ARL6IP6: variants seen among roughly 807,000 people sequenced by gnomAD.
ARL6IP6 encodes the protein ARF like GTPase 6 interacting protein 6, also known as ADP-ribosylation factor-like protein 6-interacting protein 6.
A neutral mutation model predicts 21.5 loss-of-function variants in ARL6IP6; 22 were observed. The ratio of observed to expected loss-of-function variants is 1.02; its 90% confidence interval spans 0.73 to 1.46. The LOEUF is 1.46. Ranked by LOEUF, ARL6IP6 falls within the 40% of genes most tolerant of loss-of-function variation. The pLI is 0.00. For synonymous variants in ARL6IP6, 164 were observed against 125.3 expected, an observed-to-expected ratio of 1.31 and a Z score of -2.06; for missense variants, 388 against 299.8, an observed-to-expected ratio of 1.29 and a Z score of -2.17.
intron 3 of ARL6IP6, among the ~76,000 whole-genome samples, chr2:152,746,050 C>A (rs1471581172): frequency 2.2e-5 from 2 of 92,946 alleles, no homozygotes; most frequent in African/African-American, 9.4e-5. Context: ...CAGGTTCTCA[C>A]TTTGTTGCCC....
At chr2:152,721,547 C>T (rs1287805025) in intron 2 of ARL6IP6, among the ~76,000 whole-genome samples, 2 of 152,322 alleles carry the variant, frequency 1.3e-5, no homozygotes, top group African/African-American at 4.8e-5. Context: ...CTCCTATTTG[C>T]TTTGATCACT....
At chr2:152,722,556 CT>C (rs770333600) in intron 2 of ARL6IP6, among the ~76,000 whole-genome samples, 18 of 152,268 alleles carry the variant, frequency 1.2e-4, no homozygotes, top group Non-Finnish European at 1.9e-4. Context: ...GAAGAGGATT[CT>C]TAAAAATCTG....
chr2:152,757,170 A>T (rs1701631067), intron 3 of ARL6IP6, among the ~76,000 whole-genome samples: 1 of 152,212 alleles, frequency 6.6e-6, no homozygotes, highest in Non-Finnish European at 1.5e-5. Context: ...TGTAGTTTCA[A>T]GAGCAAGTGA....
intron 1 of ARL6IP6, among the ~76,000 whole-genome samples, chr2:152,719,462 T>G (rs966979743): frequency 2.0e-5 from 3 of 152,168 alleles, no homozygotes; most frequent in African/African-American, 7.2e-5. Flanking sequence ...GGGACAAAGA[T>G]TTTCATCGCA....
rs67760283 is a variant in ARL6IP6 at position 152,746,001 on chromosome 2, CTTTT to C, written c.587+10905_587+10908del. 1.3e-3 allele frequency among the ~76,000 whole-genome samples: 84 copies of C among 66,362 alleles called. 1 individual carries two copies. The highest frequency in any genetic ancestry group is 2.8e-3 in the African/African-American group (28 of 9,860). The allele number at this position is 66,362 out of a possible 152,430, so 43.5% of individuals were successfully genotyped here. On this transcript the variant is annotated intron_variant, in intron 3 of 3. Transcript: ENST00000326446. ...CAGCTAATGAGTGCTTGCTTTGTAC[CTTTT>C]TTTTTTTTTTTTTTTTTTTTTTTTT...
At chr2:152,738,498 C>A (rs1700651390) in intron 3 of ARL6IP6, among the ~76,000 whole-genome samples, 1 of 152,226 alleles carries the variant, frequency 6.6e-6, no homozygotes, top group Non-Finnish European at 1.5e-5. Flanking sequence ...TAGGCGTTTC[C>A]ATACATCCTC....
intron 3 of ARL6IP6, among the ~76,000 whole-genome samples, chr2:152,750,547 T>C (rs1247431690): frequency 6.7e-6 from 1 of 149,720 alleles, no homozygotes; most frequent in Non-Finnish European, 1.5e-5. Context: ...TGGAAGGAAA[T>C]AGAAGCGACC....
At chr2:152,735,221 T>C in intron 3 of ARL6IP6, 95 bp downstream of exon 3, 1 of 1,404,868 alleles carries the variant, frequency 7.1e-7, no homozygotes, top group Admixed American at 1.9e-5. Flanking sequence ...GTGAGGTATG[T>C]TGAGGTTTCA....
chr2:152,720,613 G>A (rs746269786), intron 2 of ARL6IP6, 27 bp downstream of exon 2: 1 of 1,594,502 alleles, frequency 6.3e-7, no homozygotes, highest in Admixed American at 1.7e-5. Flanking sequence ...CGCTTGCTTT[G>A]GTTTTGAGCT....
rs143258459 is a variant in ARL6IP6 at position 152,761,607 on chromosome 2, T to C, written c.*1767T>C. On this transcript the variant is annotated 3_prime_UTR_variant, in exon 4 of 4. Coordinates refer to ENST00000326446, the MANE Select transcript of ARL6IP6 (RefSeq NM_152522.7). ...TTTTGGTCACAACGAACTGTACTTA[T>C]GATAGTGAATCCCCCCGTAAGATTA... is the stretch of plus-strand genomic sequence containing the variant. 7.9e-4 allele frequency among the ~76,000 whole-genome samples: 120 copies of C among 152,364 alleles called. No homozygotes were observed. Among genetic ancestry groups the C allele is most frequent in the African/African-American group, 2.5e-3 (105 of 41,594 alleles).
In ARL6IP6 at chr2:152,761,248, A is replaced by AGT. The variant is rs1701831491; in HGVS notation, c.*1408_*1409insGT. On this transcript the variant is annotated 3_prime_UTR_variant, in exon 4 of 4. Coordinates refer to ENST00000326446, the MANE Select transcript of ARL6IP6 (RefSeq NM_152522.7). Reference sequence around the variant, plus strand: ...TACTGCTCCAATTTAAATTATCTGAAATGTGTGTGTGTGTGTGTGTATCTA... The same window carrying AGT: ...TACTGCTCCAATTTAAATTATCTGAAGTATGTGTGTGTGTGTGTGTGTATCTA... 1 of 144,924 alleles carries AGT rather than the reference A, an allele frequency of 6.9e-6. No individual in the cohort carries two copies. Among genetic ancestry groups the AGT allele is most frequent in the African/African-American group, 2.5e-5 (1 of 40,468 alleles). 9.0% of individuals were successfully genotyped at this position (144,924 alleles called of 1,614,324 possible).
chr2:152,737,636 A>G (rs1281907534), intron 3 of ARL6IP6, among the ~76,000 whole-genome samples: 1 of 152,200 alleles, frequency 6.6e-6, no homozygotes, highest in Non-Finnish European at 1.5e-5. Flanking sequence ...GATGGCAGGC[A>G]AGAGACTGTG....
intron 3 of ARL6IP6, among the ~76,000 whole-genome samples, chr2:152,743,041 A>T (rs964069232): frequency 3.3e-5 from 5 of 152,200 alleles, no homozygotes; most frequent in African/African-American, 9.7e-5. Flanking sequence ...ATTGACAATT[A>T]ACAGGCACTC....
At chr2:152,730,931 C>A (rs1338483649) in intron 2 of ARL6IP6, among the ~76,000 whole-genome samples, 1 of 152,192 alleles carries the variant, frequency 6.6e-6, no homozygotes, top group East Asian at 1.9e-4. Context: ...TCCCCATTTA[C>A]ACACATAAGT....
intron 3 of ARL6IP6, among the ~76,000 whole-genome samples, chr2:152,753,242 A>G (rs1701421732): frequency 6.6e-6 from 1 of 152,210 alleles, no homozygotes; most frequent in African/African-American, 2.4e-5. Flanking sequence ...GATTACTTCT[A>G]CACTGCTAAA....
At chr2:152,754,268 A>G (rs1701475164) in intron 3 of ARL6IP6, among the ~76,000 whole-genome samples, 1 of 152,006 alleles carries the variant, frequency 6.6e-6, no homozygotes, top group Non-Finnish European at 1.5e-5. Flanking sequence ...TTTCGTCTCT[A>G]TGGATTTGCC....
intron 2 of ARL6IP6, among the ~76,000 whole-genome samples, chr2:152,725,557 TGGAGCAAA>T (rs958170631): frequency 1.3e-5 from 2 of 152,158 alleles, no homozygotes. Flanking sequence ...TTACAAATTA[TGGAGCAAA>T]GAAGATTGTT....
chr2:152,740,360 A>G (rs1195621573), intron 3 of ARL6IP6, among the ~76,000 whole-genome samples: 2 of 152,124 alleles, frequency 1.3e-5, no homozygotes, highest in Non-Finnish European at 2.9e-5. Flanking sequence ...TGGCCTCTCA[A>G]AGTGCTGGGA....
At chr2:152,723,161 G>C (rs1247828231) in intron 2 of ARL6IP6, among the ~76,000 whole-genome samples, 1 of 152,128 alleles carries the variant, frequency 6.6e-6, no homozygotes, top group Non-Finnish European at 1.5e-5. Context: ...TGCCTCATTA[G>C]TTTACCCCTG....
Sources: gnomAD v4.1 joint callset for allele counts (sites outside exome capture counted in the v4.1 genomes callset) on GRCh38, gnomAD v4.1.1 for gene constraint, MANE v1.5 for transcripts, NCBI Gene and HGNC (gene_info 2026-07-23, HGNC 2026-07-21) for gene names.